AP4S1: variants seen among roughly 807,000 people sequenced by gnomAD.
AP4S1 encodes the protein adaptor related protein complex 4 subunit sigma 1, also known as AP-4 complex subunit sigma-1.
Under a neutral mutation model 19.8 loss-of-function variants are expected in AP4S1, and 23 were observed. The observed-to-expected ratio is 1.16, with a 90% CI of 0.84 to 1.65. AP4S1 has a LOEUF of 1.65. AP4S1 is among the 40% of genes most tolerant of loss of function. The pLI, the probability that AP4S1 is intolerant of heterozygous loss-of-function variation, is 0.00. For missense variants in AP4S1, 166 were observed against 172.8 expected (o/e 0.96, Z 0.22); for synonymous variants, 46 against 54.1 (o/e 0.85, Z 0.66).
chr14:31,060,751 A>G (rs556939669), intron 1 of AP4S1, among the ~76,000 whole-genome samples: 1 of 152,334 alleles, frequency 6.6e-6, no homozygotes, highest in African/African-American at 2.4e-5. Flanking sequence ...TGATTAGTCC[A>G]AGAACCACTC....
intron 1 of AP4S1, among the ~76,000 whole-genome samples, chr14:31,037,210 C>T (rs1884831524): frequency 1.3e-5 from 2 of 151,978 alleles, no homozygotes; most frequent in Admixed American, 6.6e-5. Context: ...CCAACCTCTC[C>T]CTCCCACCCT....
At chr14:31,027,206 A>G (rs1281449507) in intron 1 of AP4S1, 2 of 151,940 alleles carry the variant, frequency 1.3e-5, no homozygotes, top group African/African-American at 4.8e-5. Flanking sequence ...GTAGAGGGAG[A>G]GAAGTTTGAA....
At chr14:31,092,767 A>T in intron 5 of AP4S1, 140 bp from the exon 6 acceptor site, 1 of 617,248 alleles carries the variant, frequency 1.6e-6, no homozygotes, top group Non-Finnish European at 2.7e-6. Flanking sequence ...TGCCAGTTTT[A>T]AATTTAATTT....
At chr14:31,041,198 G>C (rs776728167) in intron 1 of AP4S1, among the ~76,000 whole-genome samples, 2 of 151,988 alleles carry the variant, frequency 1.3e-5, no homozygotes, top group Non-Finnish European at 2.9e-5. Flanking sequence ...CACCCAGGCT[G>C]GAGTGCAGTG....
intron 1 of AP4S1, among the ~76,000 whole-genome samples, chr14:31,032,071 CAAAAA>C (rs71905676): frequency 0.049 from 5,365 of 110,612 alleles, 132 homozygotes; most frequent in South Asian, 0.092. Context: ...GACCTTGTCC[CAAAAA>C]AAAAAAAAAA....
chr14:31,062,720 C>A (rs1434678774), intron 1 of AP4S1, among the ~76,000 whole-genome samples: 1 of 152,106 alleles, frequency 6.6e-6, no homozygotes, highest in Non-Finnish European at 1.5e-5. Flanking sequence ...GTAATCCCAG[C>A]ACTGTGGGAG....
At chr14:31,079,207 C>G (rs1887511452) in intron 4 of AP4S1, among the ~76,000 whole-genome samples, 1 of 152,116 alleles carries the variant, frequency 6.6e-6, no homozygotes, top group African/African-American at 2.4e-5. Context: ...ATTCTCTTTG[C>G]TTTTTTCTTC....
intron 1 of AP4S1, among the ~76,000 whole-genome samples, chr14:31,028,107 A>G (rs1884148049): frequency 6.6e-6 from 1 of 152,134 alleles, no homozygotes; most frequent in African/African-American, 2.4e-5. Flanking sequence ...GCCATGTTTT[A>G]TTTCTATATG....
chr14:31,047,740 G>A (rs1450087632), intron 1 of AP4S1, among the ~76,000 whole-genome samples: 1 of 152,016 alleles, frequency 6.6e-6, no homozygotes, highest in Non-Finnish European at 1.5e-5. Flanking sequence ...TTGCAGTAGT[G>A]CAGTCTTGGC....
At chr14:31,077,771 C>T (rs1887442073) in intron 4 of AP4S1, among the ~76,000 whole-genome samples, 1 of 140,630 alleles carries the variant, frequency 7.1e-6, no homozygotes, top group Non-Finnish European at 1.5e-5. Flanking sequence ...GAGTCTCGCT[C>T]TGTCGCCAGG....
chr14:31,082,799 G>C (rs1460774534), intron 5 of AP4S1, among the ~76,000 whole-genome samples: 1 of 152,106 alleles, frequency 6.6e-6, no homozygotes, highest in Admixed American at 6.5e-5. Flanking sequence ...GGGAGGCTGA[G>C]GCAGGAGAAT....
chr14:31,045,072 T>C lies in AP4S1; in HGVS notation c.-72+19285T>C, dbSNP rs1317385733. Among the ~76,000 whole-genome samples the C allele has an allele frequency of 5.9e-5, 9 of 152,030 alleles. No homozygotes were observed. In the East Asian group the frequency reaches 1.8e-3, roughly 30 times the overall value. The stretch of plus-strand genomic sequence containing the variant: ...GTCCGCCACTACACCCGGCTAATTT[T>C]TGTATTTTTAGTAGAGACGGGGTTT... On this transcript the variant is annotated intron_variant, in intron 1 of 5. Transcript: ENST00000542754.
chr14:31,077,538 A>C (rs1177342456), intron 4 of AP4S1, among the ~76,000 whole-genome samples: 1 of 152,128 alleles, frequency 6.6e-6, no homozygotes, highest in Admixed American at 6.6e-5. Context: ...GCATAGGTTG[A>C]GAACTTGTTA....
chr14:31,068,501 T>C (rs1158267762), intron 2 of AP4S1, among the ~76,000 whole-genome samples: 1 of 152,230 alleles, frequency 6.6e-6, no homozygotes, highest in Non-Finnish European at 1.5e-5. Context: ...CACTGTTTCA[T>C]GTTGTCAGAC....
intron 4 of AP4S1, among the ~76,000 whole-genome samples, chr14:31,074,397 A>G (rs1887238445): frequency 6.6e-6 from 1 of 151,160 alleles, no homozygotes; most frequent in South Asian, 2.1e-4. Context: ...TGACGCCTGT[A>G]ATCTCAGCAC....
intron 4 of AP4S1, among the ~76,000 whole-genome samples, chr14:31,075,484 A>G (rs1887304481): frequency 1.3e-5 from 2 of 152,218 alleles, no homozygotes; most frequent in South Asian, 2.1e-4. Context: ...GTGCTACAAT[A>G]AACATTGGAC....
chr14:31,076,830 T>G (rs915909766), intron 4 of AP4S1, among the ~76,000 whole-genome samples: 2 of 152,220 alleles, frequency 1.3e-5, no homozygotes, highest in East Asian at 3.8e-4. Context: ...TCACCAGTCT[T>G]TTAAAAAAGA....
intron 1 of AP4S1, among the ~76,000 whole-genome samples, chr14:31,037,911 C>T (rs569133514): frequency 2.6e-4 from 39 of 152,274 alleles, no homozygotes; most frequent in African/African-American, 9.1e-4. Flanking sequence ...ATGATCACAC[C>T]ACTATACTCT....
rs1594717161 is a variant in AP4S1, at chr14:31,087,851, C to A, written c.307-5056C>A. On this transcript the variant is annotated intron_variant, in intron 5 of 5. Coordinates refer to ENST00000542754, the MANE Select transcript of AP4S1 (RefSeq NM_001128126.3). ...AAAATTTGAGAGTATCTGTGAATGT[C>A]TTGTTGAGAACATGCTCTCCAAAAG... 2.0e-5 allele frequency among the ~76,000 whole-genome samples: 3 copies of A among 152,296 alleles called. No individual in the cohort carries two copies. In the South Asian group the frequency reaches 6.2e-4, roughly 32 times the overall value.
Sources: allele counts gnomAD v4.1 joint callset (sites outside exome capture counted in the v4.1 genomes callset), GRCh38; gene constraint gnomAD v4.1.1; transcripts MANE v1.5; gene names NCBI Gene and HGNC (gene_info 2026-07-23, HGNC 2026-07-21).